The following RYR2 variants were observed in gnomAD, a reference collection of about 807,000 sequenced individuals.
The protein encoded by RYR2 is cardiac muscle ryanodine receptor-calcium release channel.
A neutral mutation model predicts 601.1 loss-of-function variants in RYR2; 227 were observed. That is an observed-to-expected ratio of 0.38 (90% CI 0.34 to 0.42). The LOEUF (loss-of-function observed/expected upper bound fraction) is 0.42. Ranked by LOEUF, RYR2 falls within the 10% of genes least tolerant of loss-of-function variation. The probability of loss-of-function intolerance (pLI) is 1.00; values close to 1 mark genes in which losing one functional copy is unlikely to be tolerated. For synonymous variants in RYR2, 2,223 were observed against 2,175.1 expected (o/e 1.02, Z -0.61); for missense variants, 4,646 against 6,156.5 (o/e 0.75, Z 8.21).
chr1:237,447,441 A>T (rs1463331073), intron 14 of RYR2, among the ~76,000 whole-genome samples: 2 of 152,208 alleles, frequency 1.3e-5, no homozygotes, highest in Non-Finnish European at 2.9e-5. Context: ...GTGATAAAAA[A>T]TGTTGAATTA....
At chr1:237,672,604 A>C (rs1335670072) in intron 58 of RYR2, among the ~76,000 whole-genome samples, 1 of 152,204 alleles carries the variant, frequency 6.6e-6, no homozygotes. Flanking sequence ...TTGTGTTGGG[A>C]GCATTCAAAA....
At chr1:237,507,158 T>A (rs1665352482) in intron 23 of RYR2, among the ~76,000 whole-genome samples, 1 of 152,210 alleles carries the variant, frequency 6.6e-6, no homozygotes, top group Admixed American at 6.5e-5. Context: ...AAATTGAAAG[T>A]GAAAACTGAA....
At chr1:237,105,744 GA>G (rs1333236111) in intron 1 of RYR2, among the ~76,000 whole-genome samples, 1 of 144,512 alleles carries the variant, frequency 6.9e-6, no homozygotes, top group Non-Finnish European at 1.5e-5. Context: ...TGAAGCACAA[GA>G]ATCGCTTGAA....
chr1:237,442,633 G>T (rs1007497626), intron 13 of RYR2, among the ~76,000 whole-genome samples: 6 of 151,972 alleles, frequency 3.9e-5, no homozygotes, highest in Non-Finnish European at 7.4e-5. Context: ...TTATTTTTAT[G>T]CCTTTCAGTC....
At chr1:237,408,407 A>ATATATATATATATATATATATAT (rs56317247) in intron 10 of RYR2, among the ~76,000 whole-genome samples, 2,114 of 132,416 alleles carry the variant, frequency 0.016, 145 homozygotes, top group African/African-American at 0.042. Flanking sequence ...TATATATATA[A>ATATATATATATATATATATATAT]ATGGATATCC....
intron 41 of RYR2, among the ~76,000 whole-genome samples, chr1:237,629,617 T>C (rs932729474): frequency 6.6e-6 from 1 of 151,890 alleles, no homozygotes; most frequent in Non-Finnish European, 1.5e-5. Flanking sequence ...ATGAATAAAA[T>C]AGACCAAAAG....
At chr1:237,792,453 ATTCTGAGCTGGAAACT>A (rs1371404509) in intron 94 of RYR2, 130 bp downstream of exon 94, 7 of 601,420 alleles carry the variant, frequency 1.2e-5, no homozygotes, top group Non-Finnish European at 1.9e-5. Context: ...GGGGAAGCAG[ATTCTGAGCTGGAAACT>A]TTGTGCACAA....
chr1:237,207,315 C>G (rs1463196783), intron 1 of RYR2, among the ~76,000 whole-genome samples: 2 of 152,192 alleles, frequency 1.3e-5, no homozygotes, highest in Non-Finnish European at 2.9e-5. Flanking sequence ...CCTATAATCC[C>G]AGCACTTTGA....
In RYR2 at chr1:237,566,772, C is replaced by T. The variant is rs1672129012; in HGVS notation, c.3420C>T (p.Phe1140=). The change falls in exon 28 of 105, where the codon TTC becomes TTT. Residue 1140 remains phenylalanine (F), a synonymous_variant. Coordinates refer to ENST00000366574, the MANE Select transcript of RYR2 (RefSeq NM_001035.3). ...SDERAFAFDG[F]KAQRWHQGNE... is the part of the protein sequence containing the mutation. ...AACGTGCCTTTGCCTTTGATGGCTT[C>T]AAGGTGAGTGGACTTTGTCCTGTGC... 1 of 1,613,934 alleles carries T rather than the reference C, an allele frequency of 6.2e-7. No individual in the cohort carries two copies. The highest frequency in any genetic ancestry group is 8.5e-7 in the Non-Finnish European group (1 of 1,179,848).
chr1:237,527,370 T>C (rs2779359), intron 24 of RYR2, among the ~76,000 whole-genome samples: 72,163 of 151,738 alleles, frequency 0.48, 17,390 homozygotes, highest in East Asian at 0.6. Flanking sequence ...GGAATAATGT[T>C]TGACTAAATG....
At chr1:237,584,659 T>TTTTTTG (rs1559066804) in intron 29 of RYR2, among the ~76,000 whole-genome samples, 12 of 138,240 alleles carry the variant, frequency 8.7e-5, no homozygotes, top group East Asian at 8.4e-4. Context: ...GTTTTTTTTT[T>TTTTTTG]TTTTTTTTTT....
chr1:237,637,155 A>C (rs1680959877), intron 44 of RYR2, among the ~76,000 whole-genome samples: 1 of 152,222 alleles, frequency 6.6e-6, no homozygotes, highest in South Asian at 2.1e-4. Flanking sequence ...TTTATACTTC[A>C]AAGAGATGAG....
intron 12 of RYR2, among the ~76,000 whole-genome samples, chr1:237,435,444 G>A (rs548883418): frequency 9.9e-5 from 15 of 152,204 alleles, no homozygotes; most frequent in African/African-American, 3.1e-4. Context: ...TATCAAAACA[G>A]TTATACAAAG....
At chr1:237,062,266 C>T (rs1662975534) in intron 1 of RYR2, among the ~76,000 whole-genome samples, 1 of 152,180 alleles carries the variant, frequency 6.6e-6, no homozygotes. Context: ...TAAATCTCCA[C>T]AAGATGAGCT....
rs370824512 is a variant in RYR2 at position 237,665,924 on chromosome 1, G to A, written c.8437-588G>A. Among the ~76,000 whole-genome samples, 28 of 152,276 alleles carry A rather than the reference G, an allele frequency of 1.8e-4. No individual in the cohort carries two copies. The East Asian group carries it at 2.5e-3, about 14-fold the overall frequency. Reference sequence around the variant, plus strand: ...ACTTTCACATAACATGCCATTGGGTGGAAGGAGGTAAGTGCCCAGGATGGT... The same window carrying A: ...ACTTTCACATAACATGCCATTGGGTAGAAGGAGGTAAGTGCCCAGGATGGT... On this transcript the variant is annotated intron_variant, in intron 56 of 104. Transcript: ENST00000366574.
intron 12 of RYR2, among the ~76,000 whole-genome samples, chr1:237,427,444 A>G (rs1244551958): frequency 6.6e-6 from 1 of 152,124 alleles, no homozygotes; most frequent in East Asian, 1.9e-4. Context: ...CACATCTAAA[A>G]CAACTTTATT....
intron 85 of RYR2, among the ~76,000 whole-genome samples, chr1:237,771,514 G>A (rs959677528): frequency 2.0e-5 from 3 of 151,894 alleles, no homozygotes; most frequent in East Asian, 1.9e-4. Flanking sequence ...TACCTTGAGC[G>A]TATACATACT....
At chr1:237,574,485 A>G (rs1407170182) in intron 29 of RYR2, among the ~76,000 whole-genome samples, 2 of 152,210 alleles carry the variant, frequency 1.3e-5, no homozygotes, top group African/African-American at 4.8e-5. Flanking sequence ...ATCACTCATG[A>G]TTAGGTCACT....
intron 2 of RYR2, among the ~76,000 whole-genome samples, chr1:237,289,319 A>G (rs1182668433): frequency 6.6e-6 from 1 of 152,086 alleles, no homozygotes; most frequent in Non-Finnish European, 1.5e-5. Context: ...CCTCCCATCC[A>G]CCATGATGAT....
Sources: allele counts gnomAD v4.1 joint callset (sites outside exome capture counted in the v4.1 genomes callset), GRCh38; gene constraint gnomAD v4.1.1; transcripts MANE v1.5; gene names NCBI Gene and HGNC (gene_info 2026-07-23, HGNC 2026-07-21).